Variants in YEATS4 observed in about 807,000 individuals in gnomAD.
YEATS4 encodes YEATS domain containing 4.
Under a neutral mutation model 30.1 loss-of-function variants are expected in YEATS4, and 17 were observed. The observed-to-expected ratio is 0.56, with a 90% CI of 0.39 to 0.85. The LOEUF is 0.85. Among genes scored for constraint, YEATS4 ranks in the 40% least tolerant of loss-of-function variants. The probability of loss-of-function intolerance (pLI) is 0.00; values close to 1 mark genes in which losing one functional copy is unlikely to be tolerated. For missense variants in YEATS4, 142 were observed against 268.3 expected, an observed-to-expected ratio of 0.53 and a Z score of 3.29; for synonymous variants, 85 against 87.5, an observed-to-expected ratio of 0.97 and a Z score of 0.16.
rs1198849494 is a variant in YEATS4 at position 69,362,981 on chromosome 12, A to AAT, written c.171+74_171+75insAT. Reference sequence around the variant, plus strand: ...TTTGTTTTGCTTAAAGACAACCTGTAGTTTTTTTTTTTTTTTTTTTTTTTT... The same window carrying AAT: ...TTTGTTTTGCTTAAAGACAACCTGTAATGTTTTTTTTTTTTTTTTTTTTTTTT... On this transcript the variant is annotated intron_variant, in intron 2 of 6. Transcript: ENST00000247843. 1,063 of 312,972 alleles carry AAT rather than the reference A, an allele frequency of 3.4e-3. 298 individuals carry two copies. The highest frequency in any genetic ancestry group is 5.6e-3 in the East Asian group (38 of 6,830). 19.4% of individuals were successfully genotyped at this position (312,972 alleles called of 1,614,324 possible). A position where few individuals can be genotyped will look rare whatever the true frequency, so the allele number is the denominator to read the frequency against.
the YEATS4 span, among the ~76,000 whole-genome samples, chr12:69,410,376 C>T: frequency 6.6e-6 from 1 of 152,144 alleles, no homozygotes; most frequent in Non-Finnish European, 1.5e-5. Flanking sequence ...TAAGAGTCAG[C>T]TCATTCTATA....
At chr12:69,367,603 C>T (rs1875487677) in intron 4 of YEATS4, among the ~76,000 whole-genome samples, 1 of 152,164 alleles carries the variant, frequency 6.6e-6, no homozygotes. Context: ...TGGGCTCAAG[C>T]ATTCCTCTCG....
chr12:69,375,794 C>G (rs372320043), intron 6 of YEATS4, among the ~76,000 whole-genome samples: 2 of 151,888 alleles, frequency 1.3e-5, no homozygotes, highest in Non-Finnish European at 2.9e-5. Flanking sequence ...CCCAGGCACT[C>G]GGCAGGCTGA....
At chr12:69,362,017 T>TTTTTTTTTTTTG (rs1555174252) in intron 1 of YEATS4, among the ~76,000 whole-genome samples, 82 of 131,566 alleles carry the variant, frequency 6.2e-4, no homozygotes, top group East Asian at 1.5e-3. Context: ...TTGGTTGTTT[T>TTTTTTTTTTTTG]TTTTTTTTTT....
intron 6 of YEATS4, among the ~76,000 whole-genome samples, chr12:69,380,391 G>A (rs543865100): frequency 6.0e-4 from 92 of 152,360 alleles, no homozygotes; most frequent in Admixed American, 1.7e-3. Flanking sequence ...ATAAGATCCA[G>A]AAGAATCCTC....
the YEATS4 span, among the ~76,000 whole-genome samples, chr12:69,415,192 C>T: frequency 6.6e-6 from 1 of 152,290 alleles, no homozygotes; most frequent in East Asian, 1.9e-4. Flanking sequence ...TTGTCCTTTG[C>T]ACCCCTCTAC....
chr12:69,401,243 C>T, the YEATS4 span: 39,987 of 151,864 alleles, frequency 0.26, 5,663 homozygotes, highest in East Asian at 0.58. Context: ...GATCAAGTAA[C>T]TTCACTGATA....
downstream of YEATS4, among the ~76,000 whole-genome samples, chr12:69,391,110 A>G (rs913521542): frequency 6.6e-6 from 1 of 152,166 alleles, no homozygotes; most frequent in African/African-American, 2.4e-5. Flanking sequence ...CCTGGCCAAC[A>G]TGGTAAAACC....
intron 6 of YEATS4, among the ~76,000 whole-genome samples, chr12:69,376,647 A>G (rs765666904): frequency 1.3e-5 from 2 of 152,214 alleles, no homozygotes; most frequent in Non-Finnish European, 2.9e-5. Flanking sequence ...AGTGTTCATC[A>G]GGGATATTGG....
chr12:69,362,174 A>C (rs888878466), intron 1 of YEATS4, among the ~76,000 whole-genome samples: 2 of 151,804 alleles, frequency 1.3e-5, no homozygotes, highest in African/African-American at 2.4e-5. Flanking sequence ...CACACCACCA[A>C]GCCCAGCTAA....
chr12:69,371,719 C>T (rs1376870464), intron 6 of YEATS4, among the ~76,000 whole-genome samples: 1 of 152,090 alleles, frequency 6.6e-6, no homozygotes, highest in Non-Finnish European at 1.5e-5. Flanking sequence ...CGTCATGGGT[C>T]CTACATTCTA....
At chr12:69,413,370 A>T in the YEATS4 span, among the ~76,000 whole-genome samples, 1 of 151,808 alleles carries the variant, frequency 6.6e-6, no homozygotes, top group South Asian at 2.1e-4. Flanking sequence ...AAAAAAAAAA[A>T]AAAACTACTA....
intron 6 of YEATS4, among the ~76,000 whole-genome samples, chr12:69,389,783 G>A (rs1868295188): frequency 1.3e-5 from 2 of 152,102 alleles, no homozygotes; most frequent in African/African-American, 4.8e-5. Flanking sequence ...AAAGTGCTGG[G>A]ATTACAGACA....
At chr12:69,407,702 C>CTTTTTT in the YEATS4 span, among the ~76,000 whole-genome samples, 194 of 62,648 alleles carry the variant, frequency 3.1e-3, no homozygotes, top group South Asian at 3.5e-3. Flanking sequence ...TACTTTTTGT[C>CTTTTTT]TTTTTTTTTT....
rs952778813 is a variant in YEATS4, at chr12:69,365,636, A to G, written c.175A>G (p.Met59Val). 2.5e-6 allele frequency: 4 copies of G among 1,604,886 alleles called. No homozygotes were observed. In the African/African-American group the frequency reaches 5.4e-5, roughly 21 times the overall value. Residue 59 changes from methionine (M) to valine (V), a missense_variant, in exon 3 of 7, where the codon ATG becomes GTG. Met to Val is a conservative substitution (Grantham distance 21). This residue lies in a region of YEATS4 where 64 missense variants were observed against 164.0 expected (regional missense o/e 0.39). Transcript: ENST00000247843. ...VYVKPYRNED[M>V]SAYVKKIQFK... is the part of the protein sequence containing the mutation. ...TAACTAATTCCTTATATTTTAGGAT[A>G]TGTCAGCATATGTGAAGAAAATCCA...
the YEATS4 span, among the ~76,000 whole-genome samples, chr12:69,407,602 C>T: frequency 6.7e-6 from 1 of 150,296 alleles, no homozygotes; most frequent in Non-Finnish European, 1.5e-5. Context: ...AAACTCCGTG[C>T]AGGATATTGT....
At chr12:69,396,761 A>C in the YEATS4 span, among the ~76,000 whole-genome samples, 6 of 152,262 alleles carry the variant, frequency 3.9e-5, no homozygotes, top group Admixed American at 2.6e-4. Context: ...CTCAGTTCTT[A>C]CATCATTGAG....
In YEATS4 at chr12:69,359,963, G is replaced by A; in HGVS notation, c.-10G>A. 1.2e-6 allele frequency: 2 copies of A among 1,612,328 alleles called. No individual in the cohort carries two copies. Among genetic ancestry groups the A allele is most frequent in the Non-Finnish European group, 1.7e-6 (2 of 1,179,172 alleles). ...TTCCCTGGCGGCGGCGGCTTCTTCC[G>A]TGGGACAATATGTTCAAGAGAATGG... is the stretch of plus-strand genomic sequence containing the variant. On this transcript the variant is annotated 5_prime_UTR_variant, in exon 1 of 7. The change creates a new upstream start codon in the 5' untranslated region. Coordinates refer to ENST00000247843, the MANE Select transcript of YEATS4 (RefSeq NM_006530.4).
intron 6 of YEATS4, among the ~76,000 whole-genome samples, chr12:69,378,276 A>C (rs1875944262): frequency 6.6e-6 from 1 of 151,844 alleles, no homozygotes. Flanking sequence ...TGTTTCCTGG[A>C]GGCAGTACAT....
Sources: allele counts gnomAD v4.1 joint callset (sites outside exome capture counted in the v4.1 genomes callset), GRCh38; gene constraint gnomAD v4.1.1; regional missense constraint gnomAD v4.1.1; transcripts MANE v1.5; gene names NCBI Gene and HGNC (gene_info 2026-07-23, HGNC 2026-07-21).